Variants in FBXO22 observed in about 807,000 individuals in gnomAD.
FBXO22 encodes the protein F-box protein 22.
Under a neutral mutation model 37.2 loss-of-function variants are expected in FBXO22, and 13 were observed. That is an observed-to-expected ratio of 0.35 (90% confidence interval 0.23 to 0.56). The LOEUF is 0.56. Ranked by LOEUF, FBXO22 falls within the 20% of genes least tolerant of loss-of-function variation. The probability of loss-of-function intolerance (pLI) is 0.87; values close to 1 mark genes in which losing one functional copy is unlikely to be tolerated. For missense variants in FBXO22, 446 were observed against 509.9 expected, an observed-to-expected ratio of 0.87 and a Z score of 1.21; for synonymous variants, 189 against 189.1, an observed-to-expected ratio of 1.00 and a Z score of 0.00.
chr15:75,906,418 T>A (rs1375260446), intron 2 of FBXO22, among the ~76,000 whole-genome samples: 2 of 152,154 alleles, frequency 1.3e-5, no homozygotes, highest in Non-Finnish European at 2.9e-5. Context: ...TATATACATA[T>A]ACACACATTT....
At chr15:75,922,263 A>G (rs1427170779) in intron 5 of FBXO22, among the ~76,000 whole-genome samples, 1 of 152,230 alleles carries the variant, frequency 6.6e-6, no homozygotes, top group Non-Finnish European at 1.5e-5. Flanking sequence ...ACTGTTGCAT[A>G]TGCTTACTGT....
chr15:75,928,730 TAAAA>T (rs56709997), intron 5 of FBXO22, among the ~76,000 whole-genome samples: 2 of 149,802 alleles, frequency 1.3e-5, no homozygotes, highest in Non-Finnish European at 3.0e-5. Flanking sequence ...TCCCTGAACT[TAAAA>T]AAAAAATCAA....
Position 75,932,926 on chromosome 15 carries a change from A to G in FBXO22, c.1036A>G (p.Arg346Gly). 1 of 1,614,236 alleles carries G rather than the reference A, an allele frequency of 6.2e-7. No individual in the cohort carries two copies. The highest frequency in any genetic ancestry group is 8.5e-7 in the Non-Finnish European group (1 of 1,180,042). ...GGGGAATGTTGAGGCTGATGCATTT[A>G]GAAAGTTTTTTCCTAGTGTTCCCTT... ...AKGNVEADAF[R>G]KFFPSVPLFG... is the part of the protein sequence containing the mutation. The change falls in exon 7 of 7, where the codon AGA becomes GGA. Residue 346 changes from arginine to glycine, a missense_variant. Physicochemically the swap from Arg to Gly is moderately radical, Grantham distance 125 (BLOSUM62 -2). This residue lies in a region of FBXO22 where 315 missense variants were observed against 410.1 expected (regional missense o/e 0.77). Transcript: ENST00000308275.
At chr15:75,908,404 T>A (rs1258147303) in intron 2 of FBXO22, among the ~76,000 whole-genome samples, 1 of 151,916 alleles carries the variant, frequency 6.6e-6, no homozygotes. Flanking sequence ...TCCTGAGTAG[T>A]TGGGACTACA....
rs115101510 is a variant in FBXO22, at chr15:75,930,801, A to G, written c.794+752A>G. On this transcript the variant is annotated intron_variant, in intron 6 of 6. Transcript: ENST00000308275. Reference sequence around the variant, plus strand: ...ACCCTCAATGCTTGTAAACACTACTATTTGTTTCCCACTCTGTTTAATATT... The same window carrying G: ...ACCCTCAATGCTTGTAAACACTACTGTTTGTTTCCCACTCTGTTTAATATT... 4.5e-4 allele frequency: 443 copies of G among 985,364 alleles called. 2 individuals carry two copies. In the African/African-American group the frequency reaches 6.8e-3, roughly 15 times the overall value. 61.0% of individuals were successfully genotyped at this position (985,364 alleles called of 1,614,324 possible).
intron 2 of FBXO22, among the ~76,000 whole-genome samples, 197 bp downstream of exon 2, chr15:75,904,826 C>T (rs1308152865): frequency 4.4e-5 from 6 of 136,116 alleles, no homozygotes; most frequent in East Asian, 2.1e-4. Context: ...AATGTTGGGC[C>T]TTTTTTTTTT....
At chr15:75,917,834 G>A (rs924420555) in intron 5 of FBXO22, among the ~76,000 whole-genome samples, 1 of 152,158 alleles carries the variant, frequency 6.6e-6, no homozygotes, top group Non-Finnish European at 1.5e-5. Flanking sequence ...AGAAAGATGG[G>A]AACAAGTAAA....
intron 2 of FBXO22, among the ~76,000 whole-genome samples, chr15:75,905,335 C>T (rs1470022909): frequency 6.6e-6 from 1 of 152,174 alleles, no homozygotes; most frequent in South Asian, 2.1e-4. Flanking sequence ...TTTTGCTTCT[C>T]TGGCCCCCAA....
At chr15:75,919,165 T>C (rs1398480419) in intron 5 of FBXO22, among the ~76,000 whole-genome samples, 2 of 151,922 alleles carry the variant, frequency 1.3e-5, no homozygotes, top group East Asian at 3.9e-4. Context: ...AGAGATAGGG[T>C]TTTACCATGT....
At chr15:75,914,418 C>T (rs1180213294) in intron 4 of FBXO22, among the ~76,000 whole-genome samples, 1 of 152,110 alleles carries the variant, frequency 6.6e-6, no homozygotes, top group Non-Finnish European at 1.5e-5. Flanking sequence ...GTATAAATAT[C>T]CAGTAGTCAT....
intron 2 of FBXO22, 36 bp downstream of exon 2, chr15:75,904,665 A>C (rs374351360): frequency 7.8e-6 from 12 of 1,544,948 alleles, no homozygotes; most frequent in Admixed American, 6.4e-5. Context: ...AGTCATTTGC[A>C]GGTTGGTGGT....
At chr15:75,913,030 G>GTCAT (rs766200987) in intron 2 of FBXO22, among the ~76,000 whole-genome samples, 173 bp from the exon 3 acceptor site, 46 of 152,302 alleles carry the variant, frequency 3.0e-4, no homozygotes, top group Non-Finnish European at 6.0e-4. Context: ...TTGCCCAGTA[G>GTCAT]TCATTCAGTA....
At chr15:75,911,365 T>G (rs1488779886) in intron 2 of FBXO22, among the ~76,000 whole-genome samples, 1 of 152,202 alleles carries the variant, frequency 6.6e-6, no homozygotes, top group East Asian at 1.9e-4. Flanking sequence ...AATATGGGCA[T>G]TTTCACGATA....
chr15:75,930,812 A>G (rs761828873), intron 6 of FBXO22: 206 of 985,144 alleles, frequency 2.1e-4, no homozygotes, highest in Non-Finnish European at 2.4e-4. Context: ...TTTGTTTCCC[A>G]CTCTGTTTAA....
Position 75,903,942 on chromosome 15 carries a change from G to A in FBXO22, c.-22G>A. The A allele has an allele frequency of 6.5e-7, 1 of 1,528,340 alleles. No homozygotes were observed. The highest frequency in any genetic ancestry group is 8.8e-7 in the Non-Finnish European group (1 of 1,133,208). 94.7% of individuals were successfully genotyped at this position (1,528,340 alleles called of 1,614,324 possible). A position where few individuals can be genotyped will look rare whatever the true frequency, so the allele number is the denominator to read the frequency against. ...GGTTCCTCCGAGCCGCCGTAGGACTGGTTCCGGCGGGCTGGTGAGGAATGG... is the reference window on the plus strand; with the variant it reads ...GGTTCCTCCGAGCCGCCGTAGGACTAGTTCCGGCGGGCTGGTGAGGAATGG... On this transcript the variant is annotated 5_prime_UTR_variant, in exon 1 of 7. Coordinates refer to ENST00000308275, the MANE Select transcript of FBXO22 (RefSeq NM_147188.3).
intron 2 of FBXO22, among the ~76,000 whole-genome samples, chr15:75,911,815 TGA>T (rs1900058750): frequency 6.6e-6 from 1 of 150,692 alleles, no homozygotes; most frequent in Admixed American, 6.6e-5. Context: ...ATAGGAATGG[TGA>T]GAGAGGGCAT....
chr15:75,922,037 A>G (rs1259306648), intron 5 of FBXO22, among the ~76,000 whole-genome samples: 1 of 152,162 alleles, frequency 6.6e-6, no homozygotes, highest in African/African-American at 2.4e-5. Flanking sequence ...CTAAAATTAC[A>G]ATTAAAAGTA....
Position 75,942,360 on chromosome 15 carries a change from A to G in FBXO22, c.*9258A>G, listed in dbSNP as rs2031082808. 6.6e-6 allele frequency: 1 copy of G among 152,178 alleles called. No homozygotes were observed. The highest frequency in any genetic ancestry group is 6.5e-5 in the Admixed American group (1 of 15,284). The allele number at this position is 152,178 out of a possible 1,614,324, so 9.4% of individuals were successfully genotyped here. On this transcript the variant is annotated 3_prime_UTR_variant, in exon 7 of 7. Coordinates refer to ENST00000308275, the MANE Select transcript of FBXO22 (RefSeq NM_147188.3). ...AGACTTTGTCTCAAAAAGTAAAGTA[A>G]AAATGTGTCAATATTGGTTAAACAA...
chr15:75,935,414 T>G lies in FBXO22; in HGVS notation c.*2312T>G, dbSNP rs2141730162. 6.6e-6 allele frequency: 1 copy of G among 152,290 alleles called. No homozygotes were observed. The highest frequency in any genetic ancestry group is 2.1e-4 in the South Asian group (1 of 4,824). 9.4% of individuals were successfully genotyped at this position (152,290 alleles called of 1,614,324 possible). ...ACGATCAGATCATAGAATACTTTAT[T>G]TAATCAAGACATTTAAAAATACTTA... is the stretch of plus-strand genomic sequence containing the variant. On this transcript the variant is annotated 3_prime_UTR_variant, in exon 7 of 7. Coordinates refer to ENST00000308275, the MANE Select transcript of FBXO22 (RefSeq NM_147188.3).
Sources: allele counts gnomAD v4.1 joint callset (sites outside exome capture counted in the v4.1 genomes callset), GRCh38; gene constraint gnomAD v4.1.1; regional missense constraint gnomAD v4.1.1; transcripts MANE v1.5; gene names NCBI Gene and HGNC (gene_info 2026-07-23, HGNC 2026-07-21).